RBFOX3: variants seen among roughly 807,000 people sequenced by gnomAD.
The protein encoded by RBFOX3 is RNA binding fox-1 homolog 3, also known as RNA binding protein fox-1 homolog 3.
A neutral mutation model predicts 48.7 loss-of-function variants in RBFOX3; 17 were observed. That is an observed-to-expected ratio of 0.35 (90% CI 0.24 to 0.52). The LOEUF (loss-of-function observed/expected upper bound fraction) is 0.52. Ranked by LOEUF, RBFOX3 falls within the 20% of genes least tolerant of loss-of-function variation. RBFOX3 has a pLI of 0.94. For synonymous variants in RBFOX3, 212 were observed against 209.5 expected (o/e 1.01, Z -0.10); for missense variants, 382 against 497.5 (o/e 0.77, Z 2.21).
intron 2 of RBFOX3, among the ~76,000 whole-genome samples, chr17:79,366,365 C>A (rs1217078655): frequency 6.6e-6 from 1 of 152,224 alleles, no homozygotes; most frequent in Admixed American, 6.5e-5. Flanking sequence ...TGTCTCTATA[C>A]TAAGCCGTTT....
chr17:79,592,563 C>T (rs888805481), intron 1 of RBFOX3, among the ~76,000 whole-genome samples: 11 of 152,150 alleles, frequency 7.2e-5, no homozygotes, highest in Admixed American at 2.0e-4. Flanking sequence ...CAGGTCACCC[C>T]GTGGACTGCC....
At chr17:79,381,654 T>C (rs2059941622) in intron 2 of RBFOX3, among the ~76,000 whole-genome samples, 2 of 152,212 alleles carry the variant, frequency 1.3e-5, no homozygotes, top group Admixed American at 1.3e-4. Context: ...CTTGTACGAC[T>C]TCGATCTGTT....
chr17:79,276,073 C>T (rs563139071), intron 3 of RBFOX3, among the ~76,000 whole-genome samples: 3 of 152,194 alleles, frequency 2.0e-5, no homozygotes, highest in Non-Finnish European at 4.4e-5. Context: ...ACATGCTGCA[C>T]CGTGGATGAA....
chr17:79,610,862 G>A lies in RBFOX3; in HGVS notation c.-356C>T, dbSNP rs1427273332. ...TCCCCGCGGCAGGTGACTGGGGGCC[G>A]GCGGCCATGCCCCGGCTGCATCCCG... is the stretch of plus-strand genomic sequence containing the variant. On this transcript the variant is annotated 5_prime_UTR_variant, in exon 1 of 15. Coordinates refer to ENST00000693108, the MANE Select transcript of RBFOX3 (RefSeq NM_001350451.2). Among the ~76,000 whole-genome samples, 6 of 151,814 alleles carry A rather than the reference G, an allele frequency of 4.0e-5. No homozygotes were observed. The highest frequency in any genetic ancestry group is 5.9e-5 in the Non-Finnish European group (4 of 67,878).
intron 2 of RBFOX3, among the ~76,000 whole-genome samples, chr17:79,344,713 C>T (rs1428753927): frequency 6.6e-6 from 1 of 152,068 alleles, no homozygotes; most frequent in Non-Finnish European, 1.5e-5. Context: ...TGCCACCATG[C>T]CTGGCTAATT....
rs59932242 is a variant in RBFOX3, at chr17:79,199,215, G to A, written c.-34+36551C>T. Among the ~76,000 whole-genome samples, 14,117 of 152,156 alleles carry A rather than the reference G, an allele frequency of 0.093. 770 individuals are homozygous for A. Among genetic ancestry groups the A allele is most frequent in the East Asian group, 0.25 (1,303 of 5,162 alleles). On this transcript the variant is annotated intron_variant, in intron 4 of 14. Coordinates refer to ENST00000693108, the MANE Select transcript of RBFOX3 (RefSeq NM_001350451.2). This position sits in a 1 kb window ranked among gnomAD's most constrained non-coding sequence, Gnocchi z 5.1. ...CTGGCTCACTCTGCCTTCTGAGAAT[G>A]TAAAGGGCCTTTCGAAAAGACCTCC...
chr17:79,465,841 G>A (rs575047343), intron 2 of RBFOX3, among the ~76,000 whole-genome samples: 28 of 152,290 alleles, frequency 1.8e-4, no homozygotes, highest in African/African-American at 5.1e-4. Context: ...AGTGCAGGCC[G>A]CCTGGACAGA....
the RBFOX3 span, among the ~76,000 whole-genome samples, chr17:79,660,362 A>C: frequency 6.6e-6 from 1 of 152,234 alleles, no homozygotes; most frequent in Non-Finnish European, 1.5e-5. Context: ...GTGAACACAC[A>C]ACCTACAGAA....
At chr17:79,317,355 C>T (rs986704216) in intron 2 of RBFOX3, among the ~76,000 whole-genome samples, 2 of 152,250 alleles carry the variant, frequency 1.3e-5, no homozygotes, top group Non-Finnish European at 2.9e-5. Context: ...AGGCCAATGG[C>T]CTTGGCTCAG....
intron 2 of RBFOX3, among the ~76,000 whole-genome samples, chr17:79,367,139 G>A (rs1345668602): frequency 3.3e-5 from 5 of 151,846 alleles, no homozygotes; most frequent in South Asian, 2.1e-4. Context: ...TGTCACCTTC[G>A]CAGAGTCGGC....
At chr17:79,611,338 C>T (rs951521859), upstream of RBFOX3, among the ~76,000 whole-genome samples, 68 of 151,514 alleles carry the variant, frequency 4.5e-4, no homozygotes, top group African/African-American at 1.6e-3. Context: ...GGCTGTCGCG[C>T]GGCCGGGGAG....
Position 79,510,707 on chromosome 17 carries a change from G to A in RBFOX3, c.-319-28109C>T, listed in dbSNP as rs564978493. On this transcript the variant is annotated intron_variant, in intron 1 of 14. Transcript: ENST00000693108. ...AACAGGGCCCAGCGCCCCTACGAGC[G>A]GGTGATTAATGGAGGGGATGAGGAC... Among the ~76,000 whole-genome samples the A allele has an allele frequency of 4.6e-4, 70 of 152,288 alleles. No individual in the cohort carries two copies. In the East Asian group the frequency reaches 8.3e-3, roughly 18 times the overall value.
intron 4 of RBFOX3, among the ~76,000 whole-genome samples, chr17:79,224,310 C>A (rs935487223): frequency 1.3e-5 from 2 of 152,154 alleles, no homozygotes; most frequent in African/African-American, 2.4e-5. Context: ...AAATCCATCT[C>A]CCCCAGACTC....
intron 6 of RBFOX3, 140 bp from the exon 7 acceptor site, chr17:79,104,266 G>A: frequency 2.5e-6 from 2 of 791,188 alleles, no homozygotes; most frequent in Non-Finnish European, 4.2e-6. Context: ...AGGAGACCGG[G>A]GACCCCCTCC....
At chr17:79,600,068 G>A (rs2093669645) in intron 1 of RBFOX3, 1 of 152,242 alleles carries the variant, frequency 6.6e-6, no homozygotes, top group Non-Finnish European at 1.5e-5. Context: ...GACGGCCGCA[G>A]GGCTTGGTGG....
intron 2 of RBFOX3, among the ~76,000 whole-genome samples, chr17:79,370,334 C>G (rs1191928589): frequency 6.6e-6 from 1 of 152,234 alleles, no homozygotes; most frequent in Non-Finnish European, 1.5e-5. Context: ...TGAGCCCCAC[C>G]CAGGGCCTCA....
At chr17:79,287,777 C>T (rs76812349) in intron 3 of RBFOX3, among the ~76,000 whole-genome samples, 4,635 of 152,260 alleles carry the variant, frequency 0.03, 114 homozygotes, top group East Asian at 0.069. Context: ...TTGGGCTCCC[C>T]GGTCTCAGAA....
intron 1 of RBFOX3, among the ~76,000 whole-genome samples, chr17:79,543,686 G>C (rs971456208): frequency 6.6e-6 from 1 of 152,222 alleles, no homozygotes; most frequent in African/African-American, 2.4e-5. Context: ...GATGAAGCAT[G>C]CTGGGCACGT....
intron 1 of RBFOX3, among the ~76,000 whole-genome samples, chr17:79,525,981 G>A (rs2086742636): frequency 6.6e-6 from 1 of 152,194 alleles, no homozygotes; most frequent in African/African-American, 2.4e-5. Context: ...ACGGCCATTG[G>A]CTCTGCTGCG....
Sources: gnomAD v4.1 joint callset for allele counts (sites outside exome capture counted in the v4.1 genomes callset) on GRCh38, gnomAD v4.1.1 for gene constraint, Gnocchi (gnomAD v3.1) non-coding constraint, MANE v1.5 for transcripts, NCBI Gene and HGNC (gene_info 2026-07-23, HGNC 2026-07-21) for gene names.